The following EIF4G3 variants were observed in gnomAD, a reference collection of about 807,000 sequenced individuals.
The protein encoded by EIF4G3 is eukaryotic translation initiation factor 4 gamma 3.
A neutral mutation model predicts 186.4 loss-of-function variants in EIF4G3; 34 were observed. The ratio of observed to expected loss-of-function variants is 0.18; its 90% CI spans 0.14 to 0.24. The LOEUF is 0.24. Ranked by LOEUF, EIF4G3 falls within the 10% of genes least tolerant of loss-of-function variation. The pLI, the probability that EIF4G3 is intolerant of heterozygous loss-of-function variation, is 1.00. For missense variants in EIF4G3, 1,536 were observed against 1,948.5 expected (o/e 0.79, Z 3.99); for synonymous variants, 673 against 679.5 (o/e 0.99, Z 0.15).
At chr1:21,123,361 A>C (rs1359530627) in intron 2 of EIF4G3, among the ~76,000 whole-genome samples, 1 of 151,982 alleles carries the variant, frequency 6.6e-6, no homozygotes, top group East Asian at 1.9e-4. Flanking sequence ...CCAGGAGTTC[A>C]ATACCAGCCT....
rs74963104 is a variant in EIF4G3, at chr1:21,150,521, A to G, written c.-272+25654T>C. The stretch of plus-strand genomic sequence containing the variant: ...TTTTCTACTCAACTAACAGTTAACA[A>G]CAACTCCCTTGATTCCTGTGGAAAA... On this transcript the variant is annotated intron_variant, in intron 2 of 36. Coordinates refer to ENST00000602326, the MANE Select transcript of EIF4G3 (RefSeq NM_001391906.1). 3.9e-3 allele frequency among the ~76,000 whole-genome samples: 599 copies of G among 152,292 alleles called. 4 individuals are homozygous for G. Among genetic ancestry groups the G allele is most frequent in the African/African-American group, 0.013 (553 of 41,574 alleles).
chr1:21,122,185 CAA>C (rs2096937399), intron 2 of EIF4G3, among the ~76,000 whole-genome samples: 1 of 152,180 alleles, frequency 6.6e-6, no homozygotes, highest in East Asian at 1.9e-4. Flanking sequence ...CTGCTTAAAA[CAA>C]TGACACATTT....
chr1:21,150,522 C>G (rs1177215885), intron 2 of EIF4G3, among the ~76,000 whole-genome samples: 3 of 152,168 alleles, frequency 2.0e-5, no homozygotes, highest in African/African-American at 7.2e-5. Context: ...CAGTTAACAA[C>G]AACTCCCTTG....
chr1:21,172,879 G>A (rs980859708), intron 2 of EIF4G3, among the ~76,000 whole-genome samples: 3 of 150,582 alleles, frequency 2.0e-5, no homozygotes, highest in Non-Finnish European at 4.4e-5. Flanking sequence ...AGTGGCTCAC[G>A]CCTGTAATCC....
At chr1:21,035,192 G>A (rs1157426809) in intron 4 of EIF4G3, among the ~76,000 whole-genome samples, 2 of 152,336 alleles carry the variant, frequency 1.3e-5, no homozygotes, top group Non-Finnish European at 2.9e-5. Flanking sequence ...ACTTCTGGCC[G>A]TGTCCTGGGA....
intron 14 of EIF4G3, among the ~76,000 whole-genome samples, chr1:20,928,025 T>C (rs2095044967): frequency 6.6e-6 from 1 of 152,030 alleles, no homozygotes; most frequent in South Asian, 2.1e-4. Flanking sequence ...GCTTGGCTAA[T>C]TTTTTATTTT....
chr1:20,917,392 A>T (rs1225525427), intron 14 of EIF4G3, among the ~76,000 whole-genome samples: 1 of 152,238 alleles, frequency 6.6e-6, no homozygotes, highest in Non-Finnish European at 1.5e-5. Flanking sequence ...CTGTTGTCCC[A>T]GCTACTTGGG....
At chr1:20,915,428 A>T (rs2093752702) in intron 14 of EIF4G3, among the ~76,000 whole-genome samples, 1 of 152,068 alleles carries the variant, frequency 6.6e-6, no homozygotes, top group South Asian at 2.1e-4. Flanking sequence ...ACAGGCGAAC[A>T]TCCCTTATAA....
chr1:20,867,737 C>T (rs1192480838), intron 20 of EIF4G3, among the ~76,000 whole-genome samples: 4 of 152,146 alleles, frequency 2.6e-5, no homozygotes, highest in Non-Finnish European at 4.4e-5. Flanking sequence ...GCAAAGTTAG[C>T]TCACTAAGCA....
intron 2 of EIF4G3, among the ~76,000 whole-genome samples, chr1:21,163,760 TG>T (rs1414424698): frequency 6.6e-6 from 1 of 152,154 alleles, no homozygotes; most frequent in Non-Finnish European, 1.5e-5. Flanking sequence ...TTCCCAATTT[TG>T]TTTTTTGTTT....
intron 25 of EIF4G3, among the ~76,000 whole-genome samples, chr1:20,855,459 A>G (rs191155629): frequency 6.6e-6 from 1 of 152,376 alleles, no homozygotes; most frequent in East Asian, 1.9e-4. Context: ...CATGACTGTC[A>G]GAAAACAGAT....
intron 4 of EIF4G3, among the ~76,000 whole-genome samples, chr1:21,015,071 TAA>T (rs935708083): frequency 7.7e-6 from 1 of 130,200 alleles, no homozygotes; most frequent in Admixed American, 7.7e-5. Flanking sequence ...AGAAATAGTT[TAA>T]AAAAAAAAGG....
intron 14 of EIF4G3, among the ~76,000 whole-genome samples, chr1:20,926,202 G>A (rs2094876605): frequency 6.6e-6 from 1 of 152,110 alleles, no homozygotes; most frequent in Admixed American, 6.5e-5. Context: ...AGTATAAATT[G>A]TAGAGTTGAA....
chr1:21,099,522 C>T (rs765362159), intron 2 of EIF4G3, among the ~76,000 whole-genome samples: 5 of 152,334 alleles, frequency 3.3e-5, no homozygotes, highest in Non-Finnish European at 5.9e-5. Context: ...TCACTGCACT[C>T]CTGCCTGGGC....
intron 2 of EIF4G3, among the ~76,000 whole-genome samples, chr1:21,158,833 A>G (rs1175942124): frequency 1.3e-5 from 2 of 152,116 alleles, no homozygotes; most frequent in Admixed American, 1.3e-4. Flanking sequence ...AATCCCATCT[A>G]AACAATTTGC....
intron 14 of EIF4G3, among the ~76,000 whole-genome samples, chr1:20,911,012 T>G (rs979443799): frequency 2.6e-5 from 4 of 152,248 alleles, no homozygotes; most frequent in Non-Finnish European, 5.9e-5. Context: ...AAGTTGATTT[T>G]CATTCACTAT....
chr1:21,088,865 A>T (rs2096081849), intron 3 of EIF4G3, among the ~76,000 whole-genome samples: 1 of 152,080 alleles, frequency 6.6e-6, no homozygotes, highest in Non-Finnish European at 1.5e-5. Context: ...ACTCTGTCTC[A>T]AAATAATAAA....
intron 2 of EIF4G3, among the ~76,000 whole-genome samples, chr1:21,164,495 G>A (rs1196649941): frequency 6.6e-6 from 1 of 152,180 alleles, no homozygotes; most frequent in Non-Finnish European, 1.5e-5. Flanking sequence ...GGGAAGCCAA[G>A]GCAGGAGAAT....
intron 14 of EIF4G3, among the ~76,000 whole-genome samples, chr1:20,939,106 T>TA (rs1182155903): frequency 4.1e-4 from 11 of 27,124 alleles, no homozygotes; most frequent in South Asian, 3.0e-3. Flanking sequence ...GACTCCATCT[T>TA]AAAAAAAATT....
Sources: gnomAD v4.1 joint callset for allele counts (sites outside exome capture counted in the v4.1 genomes callset) on GRCh38, gnomAD v4.1.1 for gene constraint, MANE v1.5 for transcripts, NCBI Gene and HGNC (gene_info 2026-07-23, HGNC 2026-07-21) for gene names.